ZNF516: variants seen among roughly 807,000 people sequenced by gnomAD.
ZNF516 encodes zinc finger protein 516.
In ZNF516, 19 loss-of-function variants were observed where a neutral mutation model predicts 79.7. The observed-to-expected ratio is 0.24, with a 90% CI of 0.17 to 0.35. ZNF516 has a LOEUF of 0.35. Among genes scored for constraint, ZNF516 ranks in the 10% least tolerant of loss-of-function variants. The pLI, the probability that ZNF516 is intolerant of heterozygous loss-of-function variation, is 1.00. For synonymous variants in ZNF516, 877 were observed against 739.5 expected, an observed-to-expected ratio of 1.19 and a Z score of -3.02; for missense variants, 1,678 against 1,679.5, an observed-to-expected ratio of 1.00 and a Z score of 0.02.
chr18:76,383,035 C>CAAAA (rs772423972), intron 3 of ZNF516, among the ~76,000 whole-genome samples: 7 of 49,784 alleles, frequency 1.4e-4, no homozygotes, highest in African/African-American at 4.2e-4. Flanking sequence ...GACTCTGTCT[C>CAAAA]AAAAAAAAAA....
At chr18:76,472,552 G>T (rs1913909958) in intron 1 of ZNF516, among the ~76,000 whole-genome samples, 1 of 152,262 alleles carries the variant, frequency 6.6e-6, no homozygotes, top group Admixed American at 6.5e-5. Context: ...ACAGGTGTAT[G>T]CACCTCTGGC....
chr18:76,455,175 C>T (rs1912645891), intron 2 of ZNF516, among the ~76,000 whole-genome samples: 1 of 152,104 alleles, frequency 6.6e-6, no homozygotes. Context: ...TCCAAGAACT[C>T]GAAGACCATG....
At chr18:76,374,274 G>GT (rs1315259414) in intron 4 of ZNF516, among the ~76,000 whole-genome samples, 3 of 152,152 alleles carry the variant, frequency 2.0e-5, no homozygotes, top group Non-Finnish European at 4.4e-5. Flanking sequence ...TAGACTGGCC[G>GT]TAAGGTCTGA....
intron 2 of ZNF516, among the ~76,000 whole-genome samples, chr18:76,450,825 G>A (rs1912363256): frequency 6.6e-6 from 1 of 152,166 alleles, no homozygotes; most frequent in Admixed American, 6.5e-5. Context: ...CTATGTCTCT[G>A]AATCGACAGG....
intron 2 of ZNF516, among the ~76,000 whole-genome samples, chr18:76,450,794 T>C (rs1405511344): frequency 6.6e-6 from 1 of 152,166 alleles, no homozygotes; most frequent in Non-Finnish European, 1.5e-5. Context: ...CTGTAAAACA[T>C]CTTACATTTT....
Position 76,442,001 on chromosome 18 carries a change from C to T in ZNF516, c.1054G>A (p.Ala352Thr), listed in dbSNP as rs1252826711. The T allele has an allele frequency of 2.1e-5, 34 of 1,613,520 alleles. No homozygotes were observed. The highest frequency in any genetic ancestry group is 2.8e-5 in the Non-Finnish European group (33 of 1,179,838). The change falls in exon 3 of 7, where the codon GCC (alanine) becomes ACC (threonine). Residue 352 changes from alanine (A) to threonine (T), a missense_variant. Transcript: ENST00000443185. ...ACTCTGCGGTGGATGGCATTGTGGG[C>T]GTTCAAGCTGTCCAGGTTTGTAAAC... ...NLFTNLDSLN[A>T]HNAIHRRVEA...
At chr18:76,427,077 G>A (rs985121585) in intron 3 of ZNF516, among the ~76,000 whole-genome samples, 2 of 152,250 alleles carry the variant, frequency 1.3e-5, no homozygotes, top group East Asian at 3.8e-4. Flanking sequence ...GAGCCTGAGA[G>A]AGAGAACGGG....
intron 3 of ZNF516, among the ~76,000 whole-genome samples, chr18:76,432,447 G>A (rs2075673761): frequency 1.3e-5 from 2 of 152,274 alleles, no homozygotes; most frequent in South Asian, 4.1e-4. Context: ...CAAAGGGCCA[G>A]CACCGTCACT....
In ZNF516 at chr18:76,488,038, A is replaced by G. The variant is rs867087666; in HGVS notation, c.-272+7106T>C. 4.0e-5 allele frequency: 39 copies of G among 985,374 alleles called. No individual in the cohort carries two copies. In the Middle Eastern group the frequency reaches 2.1e-3, roughly 53 times the overall value. 61.0% of individuals were successfully genotyped at this position (985,374 alleles called of 1,614,324 possible). A position where few individuals can be genotyped will look rare whatever the true frequency, so the allele number is the denominator to read the frequency against. ...CAAATAATCACTGCTGCACAAACAG[A>G]GGCTTGTCCACAGCCCCCACCTCCA... On this transcript the variant is annotated intron_variant, in intron 1 of 6. Transcript: ENST00000443185.
At chr18:76,429,837 C>A (rs562520834) in intron 3 of ZNF516, among the ~76,000 whole-genome samples, 9 of 152,320 alleles carry the variant, frequency 5.9e-5, no homozygotes, top group Non-Finnish European at 1.2e-4. Flanking sequence ...CTGCCAGACA[C>A]CGCACGGCTA....
chr18:76,361,085 AC>A lies in ZNF516; in HGVS notation c.*1412del, dbSNP rs1202650274. 2 of 152,118 alleles carry A rather than the reference AC, an allele frequency of 1.3e-5. No homozygotes were observed. Among genetic ancestry groups the A allele is most frequent in the African/African-American group, 4.8e-5 (2 of 41,398 alleles). 9.4% of individuals were successfully genotyped at this position (152,118 alleles called of 1,614,324 possible). A position where few individuals can be genotyped will look rare whatever the true frequency, so the allele number is the denominator to read the frequency against. ...TCGTTTTAATCCATTTCCTGCCTTT[AC>A]AAAATTTCACAATTAAAAAAAAACC... is the stretch of plus-strand genomic sequence containing the variant. On this transcript the variant is annotated 3_prime_UTR_variant, in exon 7 of 7. Transcript: ENST00000443185.
intron 2 of ZNF516, among the ~76,000 whole-genome samples, chr18:76,446,192 G>A (rs564617450): frequency 3.0e-4 from 45 of 152,236 alleles, no homozygotes; most frequent in South Asian, 1.0e-3. Context: ...ACATGTCACC[G>A]AAGCCCCTTG....
intron 2 of ZNF516, among the ~76,000 whole-genome samples, chr18:76,445,268 AAAC>A (rs1036162589): frequency 2.0e-4 from 31 of 151,900 alleles, no homozygotes; most frequent in Admixed American, 3.3e-4. Context: ...AAAAAAAAAA[AAAC>A]AACAACAACA....
chr18:76,495,616 GC>G, upstream of ZNF516: 1 of 534,786 alleles, frequency 1.9e-6, no homozygotes, highest in South Asian at 2.2e-5. Context: ...GCCAGTGGTC[GC>G]CCCTCGTCAA....
chr18:76,436,603 G>A (rs890492762), intron 3 of ZNF516, among the ~76,000 whole-genome samples: 2 of 152,156 alleles, frequency 1.3e-5, no homozygotes, highest in African/African-American at 4.8e-5. Flanking sequence ...AAGGTATTGT[G>A]AGAGCTCCTC....
In ZNF516 at chr18:76,493,195, T is replaced by C; in HGVS notation, c.-272+1949A>G. The C allele has an allele frequency of 1.0e-6, 1 of 983,680 alleles. No homozygotes were observed. Among genetic ancestry groups the C allele is most frequent in the Non-Finnish European group, 1.2e-6 (1 of 828,488 alleles). 60.9% of individuals were successfully genotyped at this position (983,680 alleles called of 1,614,324 possible). On this transcript the variant is annotated intron_variant, in intron 1 of 6. Transcript: ENST00000443185. The surrounding 1 kb of genome is among the most constrained non-coding windows in gnomAD (Gnocchi z 5.2). ...CCATCTGCGCAGAGTTTGCCTTCTT[T>C]AAGGAGGGAGGCGTCAGACGATATC...
chr18:76,464,941 C>T (rs990941700), intron 1 of ZNF516, among the ~76,000 whole-genome samples: 39 of 152,154 alleles, frequency 2.6e-4, no homozygotes, highest in African/African-American at 9.2e-4. Flanking sequence ...TGCGGAGAAA[C>T]TACTGGAATG....
intron 3 of ZNF516, among the ~76,000 whole-genome samples, chr18:76,426,049 G>C (rs2075589241): frequency 6.6e-6 from 1 of 152,238 alleles, no homozygotes. Flanking sequence ...GTAACTTTTA[G>C]AGAGCTATGT....
chr18:76,369,853 G>C (rs566978548), intron 6 of ZNF516, among the ~76,000 whole-genome samples: 1 of 152,210 alleles, frequency 6.6e-6, no homozygotes, highest in East Asian at 1.9e-4. Flanking sequence ...AAATGGGAGA[G>C]CAATGAAAAT....
Sources: allele counts gnomAD v4.1 joint callset (sites outside exome capture counted in the v4.1 genomes callset), GRCh38; gene constraint gnomAD v4.1.1; non-coding constraint Gnocchi (gnomAD v3.1); transcripts MANE v1.5; gene names NCBI Gene and HGNC (gene_info 2026-07-23, HGNC 2026-07-21).